The following FBXO42 variants were observed in gnomAD, a reference collection of about 807,000 sequenced individuals.
FBXO42 encodes the protein F-box only protein 42.
FBXO42 carries 12 observed loss-of-function variants against 71.7 expected under a neutral mutation model. The ratio of observed to expected loss-of-function variants is 0.17; its 90% CI spans 0.11 to 0.27. The LOEUF (loss-of-function observed/expected upper bound fraction) is 0.27, where lower values mean the gene tolerates loss of function less well. Among genes scored for constraint, FBXO42 ranks in the 10% least tolerant of loss-of-function variants. The pLI is 1.00. For missense variants in FBXO42, 707 were observed against 911.9 expected (o/e 0.78, Z 2.89); for synonymous variants, 325 against 327.5 (o/e 0.99, Z 0.08).
intron 4 of FBXO42, among the ~76,000 whole-genome samples, chr1:16,273,947 T>C (rs2081871619): frequency 6.6e-6 from 1 of 152,168 alleles, no homozygotes; most frequent in South Asian, 2.1e-4. Context: ...AATAAACTAC[T>C]GACAGATGCA....
At chr1:16,334,607 C>T (rs998690537) in intron 1 of FBXO42, among the ~76,000 whole-genome samples, 2 of 152,088 alleles carry the variant, frequency 1.3e-5, no homozygotes, top group Non-Finnish European at 2.9e-5. Flanking sequence ...TATTCTGTAT[C>T]AGTTTACAAA....
chr1:16,352,189 T>A (rs2082707987), intron 1 of FBXO42, 66 bp downstream of exon 1: 1 of 392,568 alleles, frequency 2.5e-6, no homozygotes, highest in Non-Finnish European at 4.5e-6. Flanking sequence ...CCCTTGCCAG[T>A]CCCGGGCATA....
At chr1:16,324,186 G>C (rs893185293) in intron 1 of FBXO42, among the ~76,000 whole-genome samples, 2 of 151,986 alleles carry the variant, frequency 1.3e-5, no homozygotes, top group African/African-American at 4.8e-5. Context: ...ACCTTACTCC[G>C]TGCATTCAAC....
rs71574177 is a variant in FBXO42, at chr1:16,338,804, C to CTTTTTTTT, written c.-18+13443_-18+13450dup. 1.4e-3 allele frequency among the ~76,000 whole-genome samples: 116 copies of CTTTTTTTT among 80,968 alleles called. 3 individuals carry two copies. Among genetic ancestry groups the CTTTTTTTT allele is most frequent in the Non-Finnish European group, 1.8e-3 (81 of 44,398 alleles). The allele number at this position is 80,968 out of a possible 152,430, so 53.1% of individuals were successfully genotyped here. A position where few individuals can be genotyped will look rare whatever the true frequency, so the allele number is the denominator to read the frequency against. On this transcript the variant is annotated intron_variant, in intron 1 of 9. Transcript: ENST00000375592. ...AATGGAACATTTTATTTCCATTTGT[C>CTTTTTTTT]TTTTTTTTTTTTTTTTTTTTTTTTG...
intron 4 of FBXO42, among the ~76,000 whole-genome samples, chr1:16,268,726 G>A (rs1244890991): frequency 6.6e-6 from 1 of 152,154 alleles, no homozygotes; most frequent in African/African-American, 2.4e-5. Context: ...CACTTTGGGA[G>A]GTCGAGGCAG....
chr1:16,280,266 A>G (rs2081950075), intron 4 of FBXO42, among the ~76,000 whole-genome samples: 1 of 152,224 alleles, frequency 6.6e-6, no homozygotes, highest in Non-Finnish European at 1.5e-5. Context: ...AGAGTGGTCT[A>G]TAAGATACCT....
chr1:16,341,503 G>T (rs531493460), intron 1 of FBXO42, among the ~76,000 whole-genome samples: 1 of 151,762 alleles, frequency 6.6e-6, no homozygotes. Flanking sequence ...AGGAGGCTGA[G>T]GCAGGAGAAT....
intron 3 of FBXO42, among the ~76,000 whole-genome samples, chr1:16,303,720 A>T (rs1361756329): frequency 6.6e-6 from 1 of 151,846 alleles, no homozygotes; most frequent in African/African-American, 2.4e-5. Flanking sequence ...GGTGCCTGCC[A>T]CCATACCTGG....
chr1:16,348,481 A>C (rs1224649353), intron 1 of FBXO42, among the ~76,000 whole-genome samples: 25 of 151,994 alleles, frequency 1.6e-4, no homozygotes, highest in Non-Finnish European at 1.5e-5. Flanking sequence ...GGCGGATCAC[A>C]TGGTCAGGAG....
intron 1 of FBXO42, among the ~76,000 whole-genome samples, chr1:16,339,418 T>G (rs917754021): frequency 2.0e-5 from 3 of 152,122 alleles, no homozygotes; most frequent in African/African-American, 2.4e-5. Flanking sequence ...GTTCAAGTGA[T>G]TCTCCTGCCT....
intron 4 of FBXO42, among the ~76,000 whole-genome samples, chr1:16,280,162 T>C (rs1399776008): frequency 6.6e-6 from 1 of 152,178 alleles, no homozygotes; most frequent in South Asian, 2.1e-4. Flanking sequence ...TATGTACTCT[T>C]GATCTGATGT....
intron 1 of FBXO42, 71 bp downstream of exon 1, chr1:16,352,184 G>A: frequency 2.6e-6 from 1 of 391,618 alleles, no homozygotes; most frequent in East Asian, 3.6e-5. Context: ...GCTGCCCCTT[G>A]CCAGTCCCGG....
chr1:16,346,752 C>T (rs1229762663), intron 1 of FBXO42, among the ~76,000 whole-genome samples: 1 of 128,386 alleles, frequency 7.8e-6, no homozygotes, highest in Non-Finnish European at 1.7e-5. Context: ...CTGAACAGTA[C>T]ATTTTTTTTT....
intron 4 of FBXO42, among the ~76,000 whole-genome samples, chr1:16,283,239 C>A (rs1007477401): frequency 2.6e-5 from 4 of 152,116 alleles, no homozygotes; most frequent in Non-Finnish European, 5.9e-5. Context: ...CAAGAACAGG[C>A]ATCTAGGTTA....
intron 4 of FBXO42, among the ~76,000 whole-genome samples, chr1:16,277,699 G>A (rs1007842710): frequency 3.4e-5 from 5 of 148,226 alleles, no homozygotes; most frequent in South Asian, 2.1e-4. Flanking sequence ...ACTCCAGGCC[G>A]GGTGACAGAG....
In FBXO42 at chr1:16,247,405, G is replaced by C. The variant is rs2081544991; in HGVS notation, c.*3265C>G. 6.6e-6 allele frequency: 1 copy of C among 152,320 alleles called. No individual in the cohort carries two copies. The highest frequency in any genetic ancestry group is 1.5e-5 in the Non-Finnish European group (1 of 68,124). The allele number at this position is 152,320 out of a possible 1,614,324, so 9.4% of individuals were successfully genotyped here. The stretch of plus-strand genomic sequence containing the variant: ...CCAACCAGGAATACCACTTTTAAGG[G>C]GGAAGGAAAGAGTGAAGCAGAAGGA... On this transcript the variant is annotated 3_prime_UTR_variant, in exon 10 of 10. Coordinates refer to ENST00000375592, the MANE Select transcript of FBXO42 (RefSeq NM_018994.3).
At chr1:16,294,224 G>C (rs2082107211) in intron 4 of FBXO42, 1 of 152,462 alleles carries the variant, frequency 6.6e-6, no homozygotes, top group Non-Finnish European at 1.5e-5. Context: ...CCCAGGAGAG[G>C]TTAGGTCAAA....
intron 1 of FBXO42, among the ~76,000 whole-genome samples, chr1:16,323,868 C>CT (rs1244063291): frequency 6.7e-6 from 1 of 149,964 alleles, no homozygotes; most frequent in Non-Finnish European, 1.5e-5. Flanking sequence ...GAAGAAGGGA[C>CT]TGGACTGAAT....
intron 3 of FBXO42, among the ~76,000 whole-genome samples, chr1:16,296,940 C>T (rs868769246): frequency 4.1e-4 from 59 of 144,108 alleles, no homozygotes; most frequent in African/African-American, 1.5e-3. Flanking sequence ...CCCCACCCCC[C>T]GCTTTTTGTT....
Sources: allele counts gnomAD v4.1 joint callset (sites outside exome capture counted in the v4.1 genomes callset), GRCh38; gene constraint gnomAD v4.1.1; transcripts MANE v1.5; gene names NCBI Gene and HGNC (gene_info 2026-07-23, HGNC 2026-07-21).